Variants in PTPRN2 observed in about 807,000 individuals in gnomAD.
The protein encoded by PTPRN2 is receptor-type tyrosine-protein phosphatase N2.
In PTPRN2, 74 loss-of-function variants were observed where a neutral mutation model predicts 118.8. The observed-to-expected ratio is 0.62, with a 90% CI of 0.52 to 0.76. The LOEUF is 0.76. PTPRN2 is among the 30% of genes least tolerant of loss of function. The pLI, the probability that PTPRN2 is intolerant of heterozygous loss-of-function variation, is 0.00. For synonymous variants in PTPRN2, 641 were observed against 608.0 expected (o/e 1.05, Z -0.80); for missense variants, 1,481 against 1,394.4 (o/e 1.06, Z -0.99).
At chr7:157,933,196 T>C (rs1304991930) in intron 11 of PTPRN2, among the ~76,000 whole-genome samples, 8 of 124,532 alleles carry the variant, frequency 6.4e-5, no homozygotes, top group South Asian at 2.8e-4. Context: ...GTCACTCTGA[T>C]TGACAGTTTT....
chr7:157,820,299 A>G (rs1175039235), intron 12 of PTPRN2, among the ~76,000 whole-genome samples: 1 of 151,740 alleles, frequency 6.6e-6, no homozygotes, highest in Admixed American at 6.6e-5. Flanking sequence ...CATGTCACAC[A>G]CAGCAGACCC....
At position 157,809,713 on chromosome 7, in the gene PTPRN2, G is replaced by A. The variant is rs551430489; in HGVS notation, c.1788+88960C>T. Among the ~76,000 whole-genome samples, 14 of 152,236 alleles carry A rather than the reference G, an allele frequency of 9.2e-5. No homozygotes were observed. In the South Asian group the frequency reaches 2.1e-3, roughly 23 times the overall value. ...GCATTGCCAGGAGCCACAGAGAGTC[G>A]CCCGAGAGCTTCCTGAGCACGTGGC... is the stretch of plus-strand genomic sequence containing the variant. On this transcript the variant is annotated intron_variant, in intron 12 of 22. Coordinates refer to ENST00000389418, the MANE Select transcript of PTPRN2 (RefSeq NM_002847.5).
At chr7:157,656,656 T>G in intron 13 of PTPRN2, 105 bp from the exon 14 acceptor site, 1 of 1,194,348 alleles carries the variant, frequency 8.4e-7, no homozygotes, top group Non-Finnish European at 1.2e-6. Flanking sequence ...CCTGCTAAGA[T>G]CCAAGGTTCA....
In PTPRN2 at chr7:158,190,527, A is replaced by C. The variant is rs578068577; in HGVS notation, c.549+1800T>G. 1.7e-3 allele frequency among the ~76,000 whole-genome samples: 256 copies of C among 152,332 alleles called. 2 individuals carry two copies. The highest frequency in any genetic ancestry group is 6.0e-3 in the African/African-American group (248 of 41,578). The stretch of plus-strand genomic sequence containing the variant: ...TCCTGATGGGAGGTGGGCCTGGCAC[A>C]GAGCAGGGCTGGGACTGGCCTTTCA... On this transcript the variant is annotated intron_variant, in intron 5 of 22. Coordinates refer to ENST00000389418, the MANE Select transcript of PTPRN2 (RefSeq NM_002847.5).
rs1011025216 is a variant in PTPRN2 at position 158,022,533 on chromosome 7, G to A, written c.1723+58765C>T. Among the ~76,000 whole-genome samples the A allele has an allele frequency of 6.7e-6, 1 of 150,370 alleles. No individual in the cohort carries two copies. The highest frequency in any genetic ancestry group is 6.6e-5 in the Admixed American group (1 of 15,114). On this transcript the variant is annotated intron_variant, in intron 11 of 22. Coordinates refer to ENST00000389418, the MANE Select transcript of PTPRN2 (RefSeq NM_002847.5). The surrounding 1 kb of genome is among the most constrained non-coding windows in gnomAD (Gnocchi z 4.6). ...CCGGGCACTCTGTCTGGGGCAGCCCGTAATGTGTTCATAGCCAAGGCCCCG... is the reference window on the plus strand; with the variant it reads ...CCGGGCACTCTGTCTGGGGCAGCCCATAATGTGTTCATAGCCAAGGCCCCG...
intron 3 of PTPRN2, among the ~76,000 whole-genome samples, chr7:158,314,699 G>A (rs1400833601): frequency 1.3e-5 from 2 of 152,222 alleles, no homozygotes; most frequent in South Asian, 2.1e-4. Flanking sequence ...CCGCAGTTTG[G>A]CTTTGTGGAG....
intron 12 of PTPRN2, among the ~76,000 whole-genome samples, chr7:157,816,368 C>T (rs907285865): frequency 6.6e-6 from 1 of 152,186 alleles, no homozygotes; most frequent in African/African-American, 2.4e-5. Flanking sequence ...GGAGACCTTC[C>T]ACACACTTTC....
intron 11 of PTPRN2, among the ~76,000 whole-genome samples, chr7:157,910,222 G>T: frequency 6.6e-6 from 1 of 151,952 alleles, no homozygotes; most frequent in Non-Finnish European, 1.5e-5. Context: ...CACGTACACC[G>T]TGGGAACGGG....
intron 12 of PTPRN2, among the ~76,000 whole-genome samples, chr7:157,723,468 G>A (rs769077101): frequency 4.6e-5 from 7 of 152,082 alleles, no homozygotes; most frequent in South Asian, 2.1e-4. Flanking sequence ...TCTCGGCCCC[G>A]TGCCCCTCTC....
At chr7:158,490,612 G>A (rs1459649754) in intron 1 of PTPRN2, among the ~76,000 whole-genome samples, 1 of 152,260 alleles carries the variant, frequency 6.6e-6, no homozygotes, top group African/African-American at 2.4e-5. Context: ...GAGCACCCTG[G>A]ACACCAGAAC....
chr7:158,277,228 C>A (rs926368556), intron 3 of PTPRN2, among the ~76,000 whole-genome samples: 2 of 152,226 alleles, frequency 1.3e-5, no homozygotes, highest in African/African-American at 4.8e-5. Context: ...ACTGTCAGAG[C>A]GGTGAGATGA....
At chr7:158,457,602 G>A (rs1318820322) in intron 2 of PTPRN2, among the ~76,000 whole-genome samples, 1 of 95,190 alleles carries the variant, frequency 1.1e-5, no homozygotes, top group Admixed American at 1.0e-4. Flanking sequence ...CTCGGCCTGC[G>A]GGACCACAGC....
intron 3 of PTPRN2, among the ~76,000 whole-genome samples, chr7:158,273,478 ACAGGGGGAGCCGCAGGCAC>A (rs1798666547): frequency 7.8e-6 from 1 of 129,026 alleles, no homozygotes; most frequent in African/African-American, 3.6e-5. Context: ...AGCCGCAGGC[ACAGGGGGAGCCGCAGGCAC>A]AGGGGGAGCC....
chr7:157,812,116 T>C (rs2886777), intron 12 of PTPRN2, among the ~76,000 whole-genome samples: 14,356 of 152,196 alleles, frequency 0.094, 1,380 homozygotes, highest in African/African-American at 0.25. Flanking sequence ...CCCTCGACCA[T>C]GTTCTCTGGT....
Position 158,408,806 on chromosome 7 carries a change from A to AGAT in PTPRN2, c.163+80926_163+80928dup, listed in dbSNP as rs553648617. ...TTTTGATCAACGTCACATATGCTTG[A>AGAT]GATAAAACGCTGCTAACGTCAACAC... is the stretch of plus-strand genomic sequence containing the variant. On this transcript the variant is annotated intron_variant, in intron 2 of 22. Transcript: ENST00000389418. 2.6e-4 allele frequency among the ~76,000 whole-genome samples: 40 copies of AGAT among 152,236 alleles called. 1 individual carries two copies. The East Asian group carries it at 7.5e-3, about 29-fold the overall frequency.
intron 5 of PTPRN2, among the ~76,000 whole-genome samples, chr7:158,179,349 G>T (rs181429089): frequency 8.5e-5 from 13 of 152,092 alleles, no homozygotes; most frequent in Admixed American, 3.9e-4. Flanking sequence ...TTTTTAATGG[G>T]ATTTTTTTTT....
At position 157,598,203 on chromosome 7, in the gene PTPRN2, C is replaced by G. The variant is rs945774822; in HGVS notation, c.2419-2888G>C. 6.6e-6 allele frequency among the ~76,000 whole-genome samples: 1 copy of G among 152,222 alleles called. No individual in the cohort carries two copies. Among genetic ancestry groups the G allele is most frequent in the Non-Finnish European group, 1.5e-5 (1 of 68,042 alleles). ...GGTGTGTGTCCCTCTGTCTTCCCCA[C>G]CCAGCGATCACACGGCACCTACTCT... On this transcript the variant is annotated intron_variant, in intron 16 of 22. Coordinates refer to ENST00000389418, the MANE Select transcript of PTPRN2 (RefSeq NM_002847.5). This position sits in a 1 kb window ranked among gnomAD's most constrained non-coding sequence, Gnocchi z 5.2.
intron 1 of PTPRN2, among the ~76,000 whole-genome samples, chr7:158,502,458 CA>C (rs1822434307): frequency 6.6e-6 from 1 of 152,224 alleles, no homozygotes; most frequent in African/African-American, 2.4e-5. Flanking sequence ...GTCACAACCA[CA>C]CAGCACCATC....
chr7:158,175,617 C>T (rs1236108200), intron 5 of PTPRN2, among the ~76,000 whole-genome samples: 2 of 152,250 alleles, frequency 1.3e-5, no homozygotes, highest in East Asian at 3.9e-4. Context: ...GACAAAATAA[C>T]TTTTTTGCAT....
Sources: allele counts gnomAD v4.1 joint callset (sites outside exome capture counted in the v4.1 genomes callset), GRCh38; gene constraint gnomAD v4.1.1; non-coding constraint Gnocchi (gnomAD v3.1); transcripts MANE v1.5; gene names NCBI Gene and HGNC (gene_info 2026-07-23, HGNC 2026-07-21).